PROK2: variants seen among roughly 807,000 people sequenced by gnomAD.
The protein encoded by PROK2 is prokineticin 2.
PROK2 carries 8 observed loss-of-function variants against 14.2 expected under a neutral mutation model. The ratio of observed to expected loss-of-function variants is 0.56; its 90% CI spans 0.33 to 1.02. The LOEUF (loss-of-function observed/expected upper bound fraction) is 1.02, where lower values mean the gene tolerates loss of function less well. Among genes scored for constraint, PROK2 ranks in the 50% least tolerant of loss-of-function variants. PROK2 has a pLI of 0.03. For missense variants in PROK2, 154 were observed against 160.4 expected, an observed-to-expected ratio of 0.96 and a Z score of 0.22; for synonymous variants, 59 against 60.7, an observed-to-expected ratio of 0.97 and a Z score of 0.13.
intron 2 of PROK2, 129 bp from the exon 3 acceptor site, chr3:71,774,636 TC>T (rs2050104720): frequency 1.6e-6 from 2 of 1,277,086 alleles, no homozygotes; most frequent in African/African-American, 3.0e-5. Context: ...AGTTCCTCTG[TC>T]CTTTTGCTAT....
chr3:71,776,981 T>C (rs1578410135), intron 2 of PROK2, among the ~76,000 whole-genome samples: 1 of 152,204 alleles, frequency 6.6e-6, no homozygotes, highest in Non-Finnish European at 1.5e-5. Context: ...ACTTTTACTC[T>C]TTTGCAGCAC....
chr3:71,772,669 T>G lies in PROK2; in HGVS notation c.*55A>C. On this transcript the variant is annotated 3_prime_UTR_variant, in exon 4 of 4. Transcript: ENST00000295619. Reference sequence around the variant, plus strand: ...ATTTTTTGTTTGGCACAATCACAAGTAAGACTTTACAGGTAAGATGTGGCT... The same window carrying G: ...ATTTTTTGTTTGGCACAATCACAAGGAAGACTTTACAGGTAAGATGTGGCT... 6 of 1,492,048 alleles carry G rather than the reference T, an allele frequency of 4.0e-6. No individual in the cohort carries two copies. Among genetic ancestry groups the G allele is most frequent in the Non-Finnish European group, 5.6e-6 (6 of 1,069,108 alleles). 92.4% of individuals were successfully genotyped at this position (1,492,048 alleles called of 1,614,324 possible).
intron 1 of PROK2, among the ~76,000 whole-genome samples, chr3:71,781,815 C>T (rs948912468): frequency 3.3e-5 from 5 of 151,658 alleles, no homozygotes; most frequent in South Asian, 4.2e-4. Flanking sequence ...AAATTCTAGC[C>T]CCTGGATTAT....
intron 1 of PROK2, among the ~76,000 whole-genome samples, chr3:71,782,912 A>G (rs2050170971): frequency 2.0e-5 from 3 of 152,216 alleles, no homozygotes; most frequent in Admixed American, 6.5e-5. Flanking sequence ...TTTGGATTTT[A>G]TAGGACAATA....
At chr3:71,783,962 CT>C (rs2050190323) in intron 1 of PROK2, among the ~76,000 whole-genome samples, 1 of 152,108 alleles carries the variant, frequency 6.6e-6, no homozygotes, top group African/African-American at 2.4e-5. Context: ...AAGATACTTC[CT>C]TTAAAGTCAA....
At position 71,772,839 on chromosome 3, in the gene PROK2, A is replaced by C; in HGVS notation, c.286-11T>G. ...CCCAAAAAATGGAACCTAAATAAAA[A>C]AGAAAACGGAGTCAGAGCTGGAAAG... On this transcript the variant is annotated splice_polypyrimidine_tract_variant and intron_variant, in intron 3 of 3. Transcript: ENST00000295619. 1 of 1,610,640 alleles carries C rather than the reference A, an allele frequency of 6.2e-7. No individual in the cohort carries two copies. Among genetic ancestry groups the C allele is most frequent in the Non-Finnish European group, 8.5e-7 (1 of 1,176,846 alleles).
At chr3:71,773,080 A>C (rs1478042545) in intron 3 of PROK2, among the ~76,000 whole-genome samples, 1 of 152,300 alleles carries the variant, frequency 6.6e-6, no homozygotes, top group East Asian at 1.9e-4. Flanking sequence ...CCCGTGTTCA[A>C]GCGATTCTTC....
At chr3:71,772,890 AT>A (rs1437924611) in intron 3 of PROK2, 62 bp from the exon 4 acceptor site, 1 of 1,376,046 alleles carries the variant, frequency 7.3e-7, no homozygotes, top group East Asian at 2.3e-5. Context: ...AAACCAAATC[AT>A]TCTTGAGATA....
At position 71,777,604 on chromosome 3, in the gene PROK2, T is replaced by A. The variant is rs1254761767; in HGVS notation, c.223-3097A>T. ...TAAAAAAACCTGGTGCTAAAAATGT[T>A]CACATAAAAAGCGCAGGAAAATTTA... On this transcript the variant is annotated intron_variant, in intron 2 of 3. Transcript: ENST00000295619. 2.0e-5 allele frequency among the ~76,000 whole-genome samples: 3 copies of A among 152,060 alleles called. No individual in the cohort carries two copies. The East Asian group carries it at 5.8e-4, about 29-fold the overall frequency.
At chr3:71,781,674 C>A in intron 1 of PROK2, 82 bp from the exon 2 acceptor site, 1 of 1,426,956 alleles carries the variant, frequency 7.0e-7, no homozygotes, top group South Asian at 1.2e-5. Flanking sequence ...CAGTGAAATG[C>A]CCTTTAAATA....
At chr3:71,777,636 A>C (rs2050129923) in intron 2 of PROK2, among the ~76,000 whole-genome samples, 1 of 152,166 alleles carries the variant, frequency 6.6e-6, no homozygotes, top group South Asian at 2.1e-4. Flanking sequence ...TTTAAAAACA[A>C]GATTGTTTGA....
At chr3:71,776,243 T>C (rs1454193619) in intron 2 of PROK2, among the ~76,000 whole-genome samples, 1 of 152,182 alleles carries the variant, frequency 6.6e-6, no homozygotes, top group Non-Finnish European at 1.5e-5. Flanking sequence ...TCCTTAATAC[T>C]TAGGTGCTTT....
intron 2 of PROK2, among the ~76,000 whole-genome samples, chr3:71,776,346 T>A (rs916835236): frequency 1.3e-5 from 2 of 150,686 alleles, no homozygotes; most frequent in Non-Finnish European, 2.9e-5. Flanking sequence ...TTCTTTTCTT[T>A]TTTTCTTTTC....
chr3:71,785,141 G>A lies in PROK2; in HGVS notation c.-89C>T, dbSNP rs2050204899. 1 of 886,784 alleles carries A rather than the reference G, an allele frequency of 1.1e-6. No individual in the cohort carries two copies. Among genetic ancestry groups the A allele is most frequent in the Non-Finnish European group, 1.5e-6 (1 of 684,178 alleles). 54.9% of individuals were successfully genotyped at this position (886,784 alleles called of 1,614,324 possible). On this transcript the variant is annotated 5_prime_UTR_variant, in exon 1 of 4. Coordinates refer to ENST00000295619, the MANE Select transcript of PROK2 (RefSeq NM_001126128.2). ...TGGAGCGCGGAGCGGCGGGCGGACG[G>A]GCGCGGCGGCTCCCGCGAGCCTCCG...
At position 71,785,006 on chromosome 3, in the gene PROK2, G is replaced by GGCA; in HGVS notation, c.44_46dup (p.Leu15dup). 8.0e-7 allele frequency: 1 copy of GGCA among 1,248,614 alleles called. No homozygotes were observed. Among genetic ancestry groups the GGCA allele is most frequent in the Non-Finnish European group, 1.0e-6 (1 of 993,688 alleles). The allele number at this position is 1,248,614 out of a possible 1,614,324, so 77.3% of individuals were successfully genotyped here. A position where few individuals can be genotyped will look rare whatever the true frequency, so the allele number is the denominator to read the frequency against. On this transcript the variant is annotated inframe_insertion, in exon 1 of 4. Coordinates refer to ENST00000295619, the MANE Select transcript of PROK2 (RefSeq NM_001126128.2). ...AGCGCGGGGCGTGAGCAGCAGCGGC[G>GGCA]GCAGCAGCAAGAGGAGCAGGAGTGG...
chr3:71,781,759 T>C lies in PROK2; in HGVS notation c.97-167A>G, dbSNP rs1336618536. Among the ~76,000 whole-genome samples, 5 of 152,352 alleles carry C rather than the reference T, an allele frequency of 3.3e-5. No individual in the cohort carries two copies. The South Asian group carries it at 6.2e-4, about 19-fold the overall frequency. On this transcript the variant is annotated intron_variant, in intron 1 of 3. Coordinates refer to ENST00000295619, the MANE Select transcript of PROK2 (RefSeq NM_001126128.2). ...TTCATTTACTTGTATATAGCTATTA[T>C]AAAATCTGATCAGAATAGCTATTTC...
chr3:71,772,390 TTC>T lies in PROK2; in HGVS notation c.*332_*333del. On this transcript the variant is annotated 3_prime_UTR_variant, in exon 4 of 4. Transcript: ENST00000295619. ...TGGTGAGAAAAAAAAAAAAAAGTTT[TTC>T]TAACAAAATATCAAATTCTTATTTT... The T allele has an allele frequency of 3.8e-6, 1 of 265,420 alleles. No homozygotes were observed. The highest frequency in any genetic ancestry group is 7.2e-6 in the Non-Finnish European group (1 of 139,018). The allele number at this position is 265,420 out of a possible 1,614,324, so 16.4% of individuals were successfully genotyped here. A position where few individuals can be genotyped will look rare whatever the true frequency, so the allele number is the denominator to read the frequency against.
At position 71,785,013 on chromosome 3, in the gene PROK2, G is replaced by A. The variant is rs2050202305; in HGVS notation, c.40C>T (p.Leu14=). The change falls in exon 1 of 4, where the codon CTG becomes TTG. Residue 14 remains leucine, a synonymous_variant. Transcript: ENST00000295619. ...LCCAPLLLLL[L]LPPLLLTPRA... ...GGCGTGAGCAGCAGCGGCGGCAGCA[G>A]CAAGAGGAGCAGGAGTGGGGCGCAG... 1.6e-6 allele frequency: 2 copies of A among 1,247,952 alleles called. No homozygotes were observed. Among genetic ancestry groups the A allele is most frequent in the Non-Finnish European group, 2.0e-6 (2 of 993,360 alleles). The allele number at this position is 1,247,952 out of a possible 1,614,324, so 77.3% of individuals were successfully genotyped here. A position where few individuals can be genotyped will look rare whatever the true frequency, so the allele number is the denominator to read the frequency against.
At chr3:71,778,883 A>C (rs2050140618) in intron 2 of PROK2, among the ~76,000 whole-genome samples, 1 of 152,250 alleles carries the variant, frequency 6.6e-6, no homozygotes, top group Admixed American at 6.5e-5. Flanking sequence ...AAAAGTTAGA[A>C]AATAAAATTC....
Sources: allele counts gnomAD v4.1 joint callset (sites outside exome capture counted in the v4.1 genomes callset), GRCh38; gene constraint gnomAD v4.1.1; transcripts MANE v1.5; gene names NCBI Gene and HGNC (gene_info 2026-07-23, HGNC 2026-07-21).